The following ACKR2 variants were observed in gnomAD, a reference collection of about 807,000 sequenced individuals.
ACKR2 encodes atypical chemokine receptor 2.
For missense variants in ACKR2, 457 were observed against 477.3 expected (o/e 0.96, Z 0.40); for synonymous variants, 207 against 192.2 (o/e 1.08, Z -0.64).
At chr3:42,845,042 T>C (rs13321021) in intron 2 of ACKR2, among the ~76,000 whole-genome samples, 2,358 of 152,240 alleles carry the variant, frequency 0.015, 61 homozygotes, top group African/African-American at 0.053. Flanking sequence ...GGCTAGGGCA[T>C]GGGATGGGGC....
chr3:42,856,258 G>A, intron 2 of ACKR2: 2 of 637,332 alleles, frequency 3.1e-6, no homozygotes, highest in East Asian at 2.8e-5. Flanking sequence ...GGTGGGGGCA[G>A]GTCATGTGTG....
intron 2 of ACKR2, chr3:42,856,518 G>A (rs1402816572): frequency 1.5e-6 from 1 of 663,142 alleles, no homozygotes; most frequent in Admixed American, 2.3e-5. Flanking sequence ...TAAGGAAAAT[G>A]TTTGCAATAC....
intron 2 of ACKR2, among the ~76,000 whole-genome samples, chr3:42,862,780 A>G (rs1185479451): frequency 6.6e-6 from 1 of 152,236 alleles, no homozygotes; most frequent in African/African-American, 2.4e-5. Flanking sequence ...TATCTAATAA[A>G]TGGTGTTGGG....
chr3:42,824,303 T>A (rs961094330), intron 2 of ACKR2, among the ~76,000 whole-genome samples: 51 of 152,302 alleles, frequency 3.3e-4, no homozygotes, highest in South Asian at 1.0e-3. Context: ...TAAATTTTTT[T>A]AAAAAATATT....
intron 2 of ACKR2, among the ~76,000 whole-genome samples, chr3:42,831,158 G>A (rs1188289878): frequency 6.6e-6 from 1 of 152,212 alleles, no homozygotes; most frequent in Non-Finnish European, 1.5e-5. Flanking sequence ...TGCGAGATGG[G>A]TTGAAAAACA....
chr3:42,847,997 T>TG (rs1158849616), intron 2 of ACKR2, among the ~76,000 whole-genome samples: 1 of 151,888 alleles, frequency 6.6e-6, no homozygotes, highest in Admixed American at 6.6e-5. Context: ...GTGCTATGGC[T>TG]GGGGGGTGAC....
intron 2 of ACKR2, among the ~76,000 whole-genome samples, chr3:42,824,407 A>G (rs966046388): frequency 2.4e-4 from 37 of 152,194 alleles, no homozygotes; most frequent in African/African-American, 8.7e-4. Context: ...TAAATTATGC[A>G]ATTTAATATA....
intron 2 of ACKR2, among the ~76,000 whole-genome samples, chr3:42,863,129 A>G (rs2088401324): frequency 1.3e-5 from 2 of 152,378 alleles, no homozygotes; most frequent in African/African-American, 4.8e-5. Context: ...GCTAATATCC[A>G]GAATCTACAA....
At chr3:42,862,897 C>T (rs536713884) in intron 2 of ACKR2, among the ~76,000 whole-genome samples, 42 of 152,236 alleles carry the variant, frequency 2.8e-4, no homozygotes, top group Non-Finnish European at 5.0e-4. Context: ...GACCTAAAAT[C>T]GTAAAACCCT....
intron 1 of ACKR2, among the ~76,000 whole-genome samples, chr3:42,815,098 A>T (rs1700736142): frequency 6.6e-6 from 1 of 152,210 alleles, no homozygotes; most frequent in African/African-American, 2.4e-5. Context: ...TTAATTAAAG[A>T]ACCTGGACAA....
At chr3:42,822,041 CA>C (rs1700814195) in intron 2 of ACKR2, among the ~76,000 whole-genome samples, 2 of 152,122 alleles carry the variant, frequency 1.3e-5, no homozygotes, top group African/African-American at 2.4e-5. Flanking sequence ...GAATCTTTAT[CA>C]ATCAAAACTT....
intron 2 of ACKR2, among the ~76,000 whole-genome samples, chr3:42,825,222 G>A (rs1378054655): frequency 6.6e-6 from 1 of 152,110 alleles, no homozygotes; most frequent in Non-Finnish European, 1.5e-5. Context: ...TTTATAATAA[G>A]CATGTCTGTT....
At chr3:42,839,532 A>G (rs1013971124) in intron 2 of ACKR2, among the ~76,000 whole-genome samples, 5 of 152,208 alleles carry the variant, frequency 3.3e-5, no homozygotes, top group African/African-American at 1.2e-4. Flanking sequence ...GTCATCTCGC[A>G]AACATAATGT....
At chr3:42,847,306 A>G (rs551946447) in intron 2 of ACKR2, among the ~76,000 whole-genome samples, 1 of 152,336 alleles carries the variant, frequency 6.6e-6, no homozygotes, top group African/African-American at 2.4e-5. Context: ...ACACAGTCTG[A>G]GTGGCCAGCG....
chr3:42,865,755 A>C lies in ACKR2; in HGVS notation c.*98A>C, dbSNP rs1426067570. 1.0e-6 allele frequency: 1 copy of C among 961,812 alleles called. No individual in the cohort carries two copies. Among genetic ancestry groups the C allele is most frequent in the African/African-American group, 1.6e-5 (1 of 60,724 alleles). 59.6% of individuals were successfully genotyped at this position (961,812 alleles called of 1,614,324 possible). On this transcript the variant is annotated 3_prime_UTR_variant, in exon 3 of 3. Transcript: ENST00000422265. ...CAGGGGCCTCAGTGACTGTGTTGCT[A>C]AACCCAGTGGTCAGTTCTCAGTTCT... is the stretch of plus-strand genomic sequence containing the variant.
chr3:42,828,041 A>G (rs534433666), intron 2 of ACKR2, among the ~76,000 whole-genome samples: 6 of 150,948 alleles, frequency 4.0e-5, no homozygotes, highest in African/African-American at 1.5e-4. Flanking sequence ...CATAAATTCT[A>G]ATCCCAGGAG....
chr3:42,823,821 G>C (rs1421425122), intron 2 of ACKR2, among the ~76,000 whole-genome samples: 1 of 152,186 alleles, frequency 6.6e-6, no homozygotes, highest in Non-Finnish European at 1.5e-5. Context: ...TCAAATAAAG[G>C]TAATTAGTCC....
chr3:42,814,774 A>G (rs1025320474), intron 1 of ACKR2, among the ~76,000 whole-genome samples: 2 of 152,236 alleles, frequency 1.3e-5, no homozygotes, highest in African/African-American at 4.8e-5. Flanking sequence ...GGTAGAAGGA[A>G]CAAGTATATA....
intron 2 of ACKR2, among the ~76,000 whole-genome samples, chr3:42,863,995 A>G (rs1445783416): frequency 2.6e-5 from 4 of 152,212 alleles, no homozygotes; most frequent in Non-Finnish European, 5.9e-5. Context: ...GTATCCCAGA[A>G]CTTAAAGTAT....
Sources: allele counts gnomAD v4.1 joint callset (sites outside exome capture counted in the v4.1 genomes callset), GRCh38; gene constraint gnomAD v4.1.1; transcripts MANE v1.5; gene names NCBI Gene and HGNC (gene_info 2026-07-23, HGNC 2026-07-21).